Variants in FSHR observed in about 807,000 individuals in gnomAD.
FSHR encodes the protein follicle-stimulating hormone receptor.
FSHR carries 46 observed loss-of-function variants against 52.1 expected under a neutral mutation model. The observed-to-expected ratio is 0.88, with a 90% CI of 0.70 to 1.13. The LOEUF (loss-of-function observed/expected upper bound fraction) is 1.13, where lower values mean the gene tolerates loss of function less well. FSHR is among the 50% of genes most tolerant of loss of function. FSHR has a pLI of 0.00. For missense variants in FSHR, 964 were observed against 834.6 expected (o/e 1.16, Z -1.91); for synonymous variants, 399 against 309.6 (o/e 1.29, Z -3.03).
intron 1 of FSHR, among the ~76,000 whole-genome samples, chr2:49,099,795 G>T (rs1670960133): frequency 6.6e-6 from 1 of 152,082 alleles, no homozygotes; most frequent in East Asian, 1.9e-4. Context: ...TGGAACTGTT[G>T]TTCCCTTAGA....
Position 49,040,004 on chromosome 2 carries a change from GAAGCATTTCCAA to G in FSHR, c.225-19856_225-19845del, listed in dbSNP as rs1186157479. Reference sequence around the variant, plus strand: ...ATCTTAATTGTGAAAAATAAAATCTGAAGCATTTCCAAAAGCATTTCCAAAAGAGGCAGCATT... The same window carrying G: ...ATCTTAATTGTGAAAAATAAAATCTGAAGCATTTCCAAAAGAGGCAGCATT... On this transcript the variant is annotated intron_variant, in intron 2 of 9. Transcript: ENST00000406846. 3.3e-5 allele frequency among the ~76,000 whole-genome samples: 5 copies of G among 151,872 alleles called. No individual in the cohort carries two copies. In the East Asian group the frequency reaches 9.7e-4, roughly 29 times the overall value.
At chr2:49,023,671 A>C (rs1166294295) in intron 2 of FSHR, among the ~76,000 whole-genome samples, 1 of 152,148 alleles carries the variant, frequency 6.6e-6, no homozygotes, top group Non-Finnish European at 1.5e-5. Flanking sequence ...TCTGGCTATC[A>C]GTTGAGGTCC....
chr2:49,141,648 C>G (rs1253241050), intron 1 of FSHR, among the ~76,000 whole-genome samples: 1 of 152,050 alleles, frequency 6.6e-6, no homozygotes, highest in Non-Finnish European at 1.5e-5. Context: ...TGTCGCCAAC[C>G]CTGACTGGGT....
At chr2:48,968,279 C>G (rs1449370368) in intron 9 of FSHR, among the ~76,000 whole-genome samples, 1 of 152,154 alleles carries the variant, frequency 6.6e-6, no homozygotes. Flanking sequence ...GTACATCAGT[C>G]TCTGGCATGG....
intron 8 of FSHR, among the ~76,000 whole-genome samples, chr2:48,981,473 G>T (rs1675245406): frequency 2.0e-5 from 3 of 152,110 alleles, no homozygotes; most frequent in Admixed American, 2.0e-4. Flanking sequence ...GGAAACCAAG[G>T]CTTAGAGAGG....
rs766785092 is a variant in FSHR, at chr2:48,982,997, G to A, written c.594-11C>T. The A allele has an allele frequency of 3.1e-6, 5 of 1,613,172 alleles. No individual in the cohort carries two copies. Among genetic ancestry groups the A allele is most frequent in the African/African-American group, 2.7e-5 (2 of 74,888 alleles). Reference sequence around the variant, plus strand: ...TTATCGCTTAGATTCCTGGGGATGGGGTTGAGGAAAGAAGAAGGAAAACAC... The same window carrying A: ...TTATCGCTTAGATTCCTGGGGATGGAGTTGAGGAAAGAAGAAGGAAAACAC... On this transcript the variant is annotated splice_polypyrimidine_tract_variant and intron_variant, in intron 7 of 9. Transcript: ENST00000406846.
At position 49,032,883 on chromosome 2, in the gene FSHR, C is replaced by A. The variant is rs561498112; in HGVS notation, c.225-12723G>T. 7.9e-5 allele frequency among the ~76,000 whole-genome samples: 12 copies of A among 152,184 alleles called. No homozygotes were observed. The South Asian group carries it at 1.7e-3, about 21-fold the overall frequency. Reference sequence around the variant, plus strand: ...ATACATTGTCTTTATTTATTTTTTCCTAAAAATATAAGTATTTGGAGAAAA... The same window carrying A: ...ATACATTGTCTTTATTTATTTTTTCATAAAAATATAAGTATTTGGAGAAAA... On this transcript the variant is annotated intron_variant, in intron 2 of 9. Transcript: ENST00000406846.
At chr2:49,048,012 G>A (rs993111620) in intron 2 of FSHR, among the ~76,000 whole-genome samples, 3 of 152,038 alleles carry the variant, frequency 2.0e-5, no homozygotes, top group African/African-American at 7.2e-5. Context: ...CCAAGTAATT[G>A]GGTTTACAGG....
intron 2 of FSHR, among the ~76,000 whole-genome samples, chr2:49,022,342 G>T (rs933034218): frequency 6.6e-6 from 1 of 152,028 alleles, no homozygotes; most frequent in African/African-American, 2.4e-5. Flanking sequence ...CGTATTTGAC[G>T]GTCTCAACTT....
intron 5 of FSHR, 53 bp downstream of exon 5, chr2:48,990,513 G>A: frequency 8.5e-7 from 1 of 1,173,114 alleles, no homozygotes. Context: ...ATAGCCGTTG[G>A]GCAAGACAGA....
intron 1 of FSHR, among the ~76,000 whole-genome samples, chr2:49,091,060 G>C (rs1670589439): frequency 6.6e-6 from 1 of 150,396 alleles, no homozygotes; most frequent in Non-Finnish European, 1.5e-5. Flanking sequence ...CCTATCTGTA[G>C]TTTGTCCTTC....
intron 3 of FSHR, among the ~76,000 whole-genome samples, chr2:49,018,052 T>C (rs1667553212): frequency 6.6e-6 from 1 of 151,712 alleles, no homozygotes; most frequent in African/African-American, 2.4e-5. Context: ...AAGGAAAAAG[T>C]GAGGGGCAAA....
chr2:48,964,670 A>G (rs1674389228), intron 9 of FSHR, among the ~76,000 whole-genome samples: 2 of 152,134 alleles, frequency 1.3e-5, no homozygotes, highest in South Asian at 4.2e-4. Flanking sequence ...AGAACAATGC[A>G]AGCTGCAAAA....
At chr2:49,024,448 C>A (rs774985229) in intron 2 of FSHR, among the ~76,000 whole-genome samples, 10 of 152,046 alleles carry the variant, frequency 6.6e-5, no homozygotes, top group Non-Finnish European at 1.2e-4. Context: ...GTGGTGCATG[C>A]CTGTGCTCCC....
intron 1 of FSHR, among the ~76,000 whole-genome samples, chr2:49,128,202 C>A (rs999133637): frequency 1.3e-5 from 2 of 151,996 alleles, no homozygotes; most frequent in Non-Finnish European, 2.9e-5. Context: ...GAACTCAAAT[C>A]TCTGTCTGGT....
intron 4 of FSHR, among the ~76,000 whole-genome samples, chr2:48,995,478 A>T (rs903735441): frequency 1.3e-5 from 2 of 152,136 alleles, no homozygotes. Context: ...CACGAGGTGG[A>T]TGAAAGGATG....
Position 49,120,543 on chromosome 2 carries a change from A to C in FSHR, c.152+33723T>G, listed in dbSNP as rs533454698. 4.6e-5 allele frequency among the ~76,000 whole-genome samples: 7 copies of C among 152,324 alleles called. No homozygotes were observed. In the South Asian group the frequency reaches 1.4e-3, roughly 32 times the overall value. The stretch of plus-strand genomic sequence containing the variant: ...AGTGATATAATATTATGTCCTTGAA[A>C]GAGCTGGAATTTGTTGGTGTAAGTT... On this transcript the variant is annotated intron_variant, in intron 1 of 9. Transcript: ENST00000406846.
At chr2:48,978,411 G>C (rs1423187593) in intron 8 of FSHR, among the ~76,000 whole-genome samples, 1 of 152,242 alleles carries the variant, frequency 6.6e-6, no homozygotes, top group Non-Finnish European at 1.5e-5. Flanking sequence ...CTATAGGACT[G>C]TGGGTACACT....
In FSHR at chr2:48,963,533, G is replaced by A; in HGVS notation, c.1288C>T (p.His430Tyr). 1 of 1,614,196 alleles carries A rather than the reference G, an allele frequency of 6.2e-7. No individual in the cohort carries two copies. Among genetic ancestry groups the A allele is most frequent in the Non-Finnish European group, 8.5e-7 (1 of 1,180,028 alleles). The change falls in exon 10 of 10, where the codon CAC (histidine) becomes TAC (tyrosine). Residue 430 changes from histidine to tyrosine, a missense_variant. Transcript: ENST00000406846. ...SVDIHTKSQYHNYAIDWQTGA... is the reference protein window; with the variant it reads ...SVDIHTKSQYYNYAIDWQTGA... Reference sequence around the variant, plus strand: ...GTTTGCCAGTCAATGGCATAGTTGTGATATTGGCTCTTGGTATGGATATCA... The same window carrying A: ...GTTTGCCAGTCAATGGCATAGTTGTAATATTGGCTCTTGGTATGGATATCA...
Sources: allele counts gnomAD v4.1 joint callset (sites outside exome capture counted in the v4.1 genomes callset), GRCh38; gene constraint gnomAD v4.1.1; transcripts MANE v1.5; gene names NCBI Gene and HGNC (gene_info 2026-07-23, HGNC 2026-07-21).